The following RARB variants were observed in gnomAD, a reference collection of about 807,000 sequenced individuals.
RARB encodes HBV-activated protein.
In RARB, 17 loss-of-function variants were observed where a neutral mutation model predicts 51.9. That is an observed-to-expected ratio of 0.33 (90% CI 0.22 to 0.49). The LOEUF is 0.49. Among genes scored for constraint, RARB ranks in the 20% least tolerant of loss-of-function variants. The pLI is 0.99. For synonymous variants in RARB, 215 were observed against 195.4 expected, an observed-to-expected ratio of 1.10 and a Z score of -0.84; for missense variants, 369 against 550.8, an observed-to-expected ratio of 0.67 and a Z score of 3.30.
intron 2 of RARB, among the ~76,000 whole-genome samples, chr3:24,978,508 T>C (rs183219022): frequency 1.3e-5 from 2 of 152,328 alleles, no homozygotes; most frequent in East Asian, 1.9e-4. Flanking sequence ...CAGGAATTTA[T>C]CCATTTCTTC....
At chr3:25,467,784 C>T (rs569528595) in intron 2 of RARB, among the ~76,000 whole-genome samples, 151 of 152,308 alleles carry the variant, frequency 9.9e-4, no homozygotes, top group African/African-American at 3.4e-3. Flanking sequence ...CCTTATTCAC[C>T]AATCATTCAT....
At chr3:25,099,290 G>C (rs1027357365) in intron 3 of RARB, among the ~76,000 whole-genome samples, 1 of 152,074 alleles carries the variant, frequency 6.6e-6, no homozygotes, top group East Asian at 1.9e-4. Context: ...GTCCATCCTT[G>C]TTTCAGAGGA....
At chr3:25,199,032 G>C (rs1559501939) in intron 5 of RARB, among the ~76,000 whole-genome samples, 1 of 152,144 alleles carries the variant, frequency 6.6e-6, no homozygotes, top group East Asian at 1.9e-4. Context: ...CCAAGATTTG[G>C]TGGCGACCTA....
Position 25,580,632 on chromosome 3 carries a change from C to G in RARB, c.696C>G (p.Ile232Met). The G allele has an allele frequency of 6.2e-7, 1 of 1,613,250 alleles. No individual in the cohort carries two copies. Among genetic ancestry groups the G allele is most frequent in the Non-Finnish European group, 8.5e-7 (1 of 1,179,326 alleles). Reference protein sequence around the residue: ...SELATKCIIKIVEFAKRLPGF... With the variant: ...SELATKCIIKMVEFAKRLPGF... ...TGGCCACCAAGTGCATTATTAAGATCGTGGAGTTTGCTAAACGTCTGCCTG... is the reference window on the plus strand; with the variant it reads ...TGGCCACCAAGTGCATTATTAAGATGGTGGAGTTTGCTAAACGTCTGCCTG... Residue 232 changes from isoleucine to methionine, a missense_variant, in exon 5 of 8, where the codon ATC becomes ATG. Physicochemically the swap from Ile to Met is conservative, Grantham distance 10. Transcript: ENST00000330688.
chr3:25,427,797 T>C (rs1355500383), upstream of RARB, among the ~76,000 whole-genome samples: 2 of 152,126 alleles, frequency 1.3e-5, no homozygotes, highest in Non-Finnish European at 2.9e-5. Context: ...GTGCTTTTTC[T>C]GGAGTGGAAA....
intron 2 of RARB, among the ~76,000 whole-genome samples, chr3:25,485,701 G>A (rs1022708244): frequency 3.9e-5 from 6 of 152,050 alleles, no homozygotes; most frequent in Non-Finnish European, 5.9e-5. Context: ...TTTTTTAATT[G>A]TATACTTTTC....
chr3:25,172,181 TG>T (rs775264286), intron 4 of RARB, among the ~76,000 whole-genome samples: 1 of 152,212 alleles, frequency 6.6e-6, no homozygotes, highest in Non-Finnish European at 1.5e-5. Flanking sequence ...TTCAAGGCCC[TG>T]GGGCAGATGT....
At chr3:25,234,708 A>G (rs1702263317) in intron 5 of RARB, among the ~76,000 whole-genome samples, 2 of 152,012 alleles carry the variant, frequency 1.3e-5, no homozygotes, top group Non-Finnish European at 2.9e-5. Context: ...GACCAGAAAC[A>G]TGGATTTCTC....
At chr3:25,510,432 T>C (rs1697831195) in intron 3 of RARB, among the ~76,000 whole-genome samples, 1 of 152,104 alleles carries the variant, frequency 6.6e-6, no homozygotes, top group Non-Finnish European at 1.5e-5. Context: ...GAGACCAGCC[T>C]GGGCAACACA....
chr3:25,300,524 C>T (rs1414127072), intron 5 of RARB, among the ~76,000 whole-genome samples: 2 of 152,166 alleles, frequency 1.3e-5, no homozygotes, highest in Non-Finnish European at 1.5e-5. Context: ...AACAGTTCTG[C>T]AGGGACCTTT....
intron 5 of RARB, among the ~76,000 whole-genome samples, chr3:25,325,398 G>A (rs1429978391): frequency 6.6e-6 from 1 of 152,028 alleles, no homozygotes; most frequent in Admixed American, 6.5e-5. Flanking sequence ...TGTACCTTCT[G>A]CTGAGCTCCT....
At chr3:25,306,111 G>A (rs322689) in intron 5 of RARB, among the ~76,000 whole-genome samples, 117,916 of 151,882 alleles carry the variant, frequency 0.78, 46,146 homozygotes, top group East Asian at 1. Flanking sequence ...AACACAGGGG[G>A]AAAAAAGACC....
At chr3:25,524,604 TC>T (rs1402463258) in intron 3 of RARB, among the ~76,000 whole-genome samples, 2 of 149,636 alleles carry the variant, frequency 1.3e-5, no homozygotes, top group Non-Finnish European at 3.0e-5. Context: ...ACCCTTCTCT[TC>T]CCCCCTCCCT....
At chr3:25,285,892 A>G (rs1399991509) in intron 5 of RARB, among the ~76,000 whole-genome samples, 1 of 151,906 alleles carries the variant, frequency 6.6e-6, no homozygotes, top group East Asian at 1.9e-4. Flanking sequence ...AACCACCAAT[A>G]TACACATACA....
intron 2 of RARB, among the ~76,000 whole-genome samples, chr3:24,926,864 TAA>T (rs982225404): frequency 6.6e-6 from 1 of 152,088 alleles, no homozygotes; most frequent in African/African-American, 2.4e-5. Context: ...CTCCCATCAT[TAA>T]GTTACTCACA....
intron 5 of RARB, among the ~76,000 whole-genome samples, chr3:25,256,960 C>T (rs1702881323): frequency 6.6e-6 from 1 of 152,104 alleles, no homozygotes. Context: ...TTGTGCTTGA[C>T]ATGCTTGCCC....
intron 2 of RARB, among the ~76,000 whole-genome samples, chr3:24,986,433 C>G (rs895206979): frequency 2.6e-5 from 4 of 152,120 alleles, no homozygotes; most frequent in Admixed American, 2.0e-4. Flanking sequence ...AAAAGTTCCA[C>G]TTGTATGGTA....
At chr3:25,312,515 T>C (rs1473963529) in intron 5 of RARB, among the ~76,000 whole-genome samples, 2 of 152,070 alleles carry the variant, frequency 1.3e-5, no homozygotes, top group African/African-American at 4.8e-5. Context: ...GAGTTAAAAG[T>C]GGGTTTGTAA....
chr3:25,209,021 C>T (rs58799114), intron 5 of RARB, among the ~76,000 whole-genome samples: 1,562 of 152,250 alleles, frequency 0.01, 29 homozygotes, highest in African/African-American at 0.035. Context: ...TGTGTTGCGA[C>T]GACGAGGGAT....
Sources: allele counts gnomAD v4.1 joint callset (sites outside exome capture counted in the v4.1 genomes callset), GRCh38; gene constraint gnomAD v4.1.1; transcripts MANE v1.5; gene names NCBI Gene and HGNC (gene_info 2026-07-23, HGNC 2026-07-21).